DIS3: variants seen among roughly 807,000 people sequenced by gnomAD.
DIS3 encodes exosome complex exonuclease RRP44.
Under a neutral mutation model 113.0 loss-of-function variants are expected in DIS3, and 103 were observed. The ratio of observed to expected loss-of-function variants is 0.91; its 90% CI spans 0.78 to 1.07. The LOEUF is 1.07. Ranked by LOEUF, DIS3 falls within the 50% of genes least tolerant of loss-of-function variation. The pLI is 0.00. For synonymous variants in DIS3, 402 were observed against 394.3 expected (o/e 1.02, Z -0.23); for missense variants, 1,121 against 1,167.1 (o/e 0.96, Z 0.58).
chr13:72,772,875 T>C (rs764294809), intron 8 of DIS3, 36 bp from the exon 9 acceptor site: 1 of 1,549,788 alleles, frequency 6.5e-7, no homozygotes, highest in Non-Finnish European at 8.7e-7. Flanking sequence ...ACGCCTATTT[T>C]ATAGCAAATT....
chr13:72,760,377 G>T, intron 20 of DIS3, 152 bp downstream of exon 20: 1 of 931,738 alleles, frequency 1.1e-6, no homozygotes, highest in Non-Finnish European at 1.6e-6. Flanking sequence ...AAAGAAATCA[G>T]TGAGAAAACA....
In DIS3 at chr13:72,761,349, G is replaced by C. The variant is rs778050656; in HGVS notation, c.2670+14C>G. 2 of 1,584,686 alleles carry C rather than the reference G, an allele frequency of 1.3e-6. No individual in the cohort carries two copies. Among genetic ancestry groups the C allele is most frequent in the Non-Finnish European group, 1.7e-6 (2 of 1,172,898 alleles). On this transcript the variant is annotated intron_variant, in intron 19 of 20. Coordinates refer to ENST00000377767, the MANE Select transcript of DIS3 (RefSeq NM_014953.5). Reference sequence around the variant, plus strand: ...GCCCCCCGGAAAAGAAAACAAACATGAGAAATACCGTACCTCATCATCATA... The same window carrying C: ...GCCCCCCGGAAAAGAAAACAAACATCAGAAATACCGTACCTCATCATCATA...
At chr13:72,779,029 G>A (rs941185869) in intron 2 of DIS3, among the ~76,000 whole-genome samples, 2 of 151,854 alleles carry the variant, frequency 1.3e-5, no homozygotes, top group Admixed American at 1.3e-4. Context: ...ATAGCTTCCA[G>A]TACTTAATGG....
intron 20 of DIS3, 130 bp from the exon 21 acceptor site, chr13:72,760,008 A>G: frequency 1.4e-6 from 1 of 717,022 alleles, no homozygotes; most frequent in South Asian, 1.8e-5. Context: ...AAAGGGGGCT[A>G]ATTAAAGGTT....
chr13:72,772,678 T>C lies in DIS3; in HGVS notation c.1386+15A>G, dbSNP rs748932288. On this transcript the variant is annotated intron_variant, in intron 9 of 20. Coordinates refer to ENST00000377767, the MANE Select transcript of DIS3 (RefSeq NM_014953.5). ...TAATAATTTATAAAGTCACTACAAATTACTTTCAACTTACCTTTTCAGTAA... is the reference window on the plus strand; with the variant it reads ...TAATAATTTATAAAGTCACTACAAACTACTTTCAACTTACCTTTTCAGTAA... 1.9e-6 allele frequency: 3 copies of C among 1,590,616 alleles called. No individual in the cohort carries two copies. The highest frequency in any genetic ancestry group is 2.3e-5 in the South Asian group (2 of 86,494).
At chr13:72,774,454 T>G (rs111414090) in intron 6 of DIS3, among the ~76,000 whole-genome samples, 4 of 152,206 alleles carry the variant, frequency 2.6e-5, no homozygotes, top group Admixed American at 2.0e-4. Context: ...CTAGTTCCCT[T>G]TGGACCTTTA....
rs752586725 is a variant in DIS3 at position 72,781,606 on chromosome 13, T to C, written c.227A>G (p.Gln76Arg). Residue 76 changes from glutamine to arginine, a missense_variant and splice_region_variant, in exon 1 of 21, where the codon CAG becomes CGG. Coordinates refer to ENST00000377767, the MANE Select transcript of DIS3 (RefSeq NM_014953.5). The part of the protein sequence containing the change: ...LLPDTNVLLH[Q>R]IDVLEDPAIR... ...TCCGCGGTTCGCCCGCCCACGCACC[T>C]GGTGCAGTAACACATTAGTGTCGGG... is the stretch of plus-strand genomic sequence containing the variant. 1.3e-6 allele frequency: 2 copies of C among 1,511,152 alleles called. No homozygotes were observed. Among genetic ancestry groups the C allele is most frequent in the African/African-American group, 1.4e-5 (1 of 72,078 alleles). The allele number at this position is 1,511,152 out of a possible 1,614,324, so 93.6% of individuals were successfully genotyped here.
chr13:72,753,867 A>G lies in DIS3; in HGVS notation c.*5928T>C. 1 of 1,517,766 alleles carries G rather than the reference A, an allele frequency of 6.6e-7. No homozygotes were observed. The highest frequency in any genetic ancestry group is 2.4e-5 in the East Asian group (1 of 41,216). The allele number at this position is 1,517,766 out of a possible 1,614,324, so 94.0% of individuals were successfully genotyped here. Reference sequence around the variant, plus strand: ...AAGCTTAATATTGTTTAGATTAGAAATATAAAATAATTTTGATTATTAGAC... The same window carrying G: ...AAGCTTAATATTGTTTAGATTAGAAGTATAAAATAATTTTGATTATTAGAC... On this transcript the variant is annotated 3_prime_UTR_variant, in exon 21 of 21. Coordinates refer to ENST00000377767, the MANE Select transcript of DIS3 (RefSeq NM_014953.5).
In DIS3 at chr13:72,781,068, T is replaced by C. The variant is rs572621378; in HGVS notation, c.229-65A>G. ...GTAAATAGCTCTGTCAAACATAAAATCCTGTTTTATGTTGGGCATAAATAC... is the reference window on the plus strand; with the variant it reads ...GTAAATAGCTCTGTCAAACATAAAACCCTGTTTTATGTTGGGCATAAATAC... On this transcript the variant is annotated intron_variant, in intron 1 of 20. Coordinates refer to ENST00000377767, the MANE Select transcript of DIS3 (RefSeq NM_014953.5). 5 of 1,488,476 alleles carry C rather than the reference T, an allele frequency of 3.4e-6. No homozygotes were observed. The African/African-American group carries it at 7.1e-5, about 21-fold the overall frequency. The allele number at this position is 1,488,476 out of a possible 1,614,324, so 92.2% of individuals were successfully genotyped here.
chr13:72,759,472 C>T lies in DIS3; in HGVS notation c.*323G>A, dbSNP rs567586219. 4.8e-4 allele frequency: 117 copies of T among 242,978 alleles called. No homozygotes were observed. The highest frequency in any genetic ancestry group is 1.2e-3 in the Middle Eastern group (1 of 810). The allele number at this position is 242,978 out of a possible 1,614,324, so 15.1% of individuals were successfully genotyped here. ...AAATATTAAATAATCAAAGTACTTA[C>T]GCAAAATTAATCTGCTCCTCAATGA... is the stretch of plus-strand genomic sequence containing the variant. On this transcript the variant is annotated 3_prime_UTR_variant, in exon 21 of 21. Coordinates refer to ENST00000377767, the MANE Select transcript of DIS3 (RefSeq NM_014953.5).
At chr13:72,777,641 G>A (rs1003423511) in intron 3 of DIS3, 148 bp from the exon 4 acceptor site, 4 of 710,062 alleles carry the variant, frequency 5.6e-6, no homozygotes, top group East Asian at 2.7e-5. Context: ...AGGCTGGAGT[G>A]CAGCGGCGCA....
rs1318209499 is a variant in DIS3 at position 72,759,666 on chromosome 13, A to G, written c.*129T>C. On this transcript the variant is annotated 3_prime_UTR_variant, in exon 21 of 21. Transcript: ENST00000377767. ...ACAGTCAACTGTTCAATAAAAATGC[A>G]GATGTCTGAAATTATTAAAATGTAC... is the stretch of plus-strand genomic sequence containing the variant. The G allele has an allele frequency of 3.0e-6, 2 of 669,510 alleles. No individual in the cohort carries two copies. The highest frequency in any genetic ancestry group is 5.0e-6 in the Non-Finnish European group (2 of 398,716). The allele number at this position is 669,510 out of a possible 1,614,324, so 41.5% of individuals were successfully genotyped here. A position where few individuals can be genotyped will look rare whatever the true frequency, so the allele number is the denominator to read the frequency against.
intron 7 of DIS3, 34 bp downstream of exon 7, chr13:72,773,912 T>C (rs180894199): frequency 1.3e-6 from 2 of 1,584,070 alleles, no homozygotes; most frequent in Non-Finnish European, 1.7e-6. Flanking sequence ...ATGTTTATCA[T>C]TTTTTTATTA....
intron 14 of DIS3, among the ~76,000 whole-genome samples, chr13:72,766,690 T>C (rs2033758190): frequency 6.6e-6 from 1 of 152,178 alleles, no homozygotes; most frequent in Non-Finnish European, 1.5e-5. Flanking sequence ...AAGTTCCCCT[T>C]TGGAAAGTAA....
chr13:72,774,642 AAAG>A (rs773979561), intron 6 of DIS3, among the ~76,000 whole-genome samples: 59 of 152,292 alleles, frequency 3.9e-4, no homozygotes, highest in Non-Finnish European at 7.5e-4. Flanking sequence ...AATGATGGAA[AAAG>A]AAGAATAAAA....
rs543083744 is a variant in DIS3 at position 72,773,770 on chromosome 13, T to C, written c.1153A>G (p.Ile385Val). The C allele has an allele frequency of 1.4e-5, 23 of 1,614,060 alleles. No homozygotes were observed. Among genetic ancestry groups the C allele is most frequent in the East Asian group, 4.5e-5 (2 of 44,858 alleles). ...PADKRIPRIR[I>V]ETRQASTLEG... Reference sequence around the variant, plus strand: ...AATGTGGAAGCCTGTCTGGTTTCTATGCGAATTCGAGGGATTCTCTTATCA... The same window carrying C: ...AATGTGGAAGCCTGTCTGGTTTCTACGCGAATTCGAGGGATTCTCTTATCA... The change falls in exon 8 of 21, where the codon ATA becomes GTA. Residue 385 changes from isoleucine to valine, a missense_variant. Ile to Val is a conservative substitution (Grantham distance 29). This residue lies in a region of DIS3 where 861 missense variants were observed against 915.5 expected (regional missense o/e 0.94). Transcript: ENST00000377767.
chr13:72,781,374 C>A, intron 1 of DIS3: 1 of 1,548,844 alleles, frequency 6.5e-7, no homozygotes, highest in Non-Finnish European at 8.7e-7. Context: ...AGAAGAGACA[C>A]CAGGAGTTAG....
chr13:72,756,727 TTCCACTGCTGGCAG>T lies in DIS3; in HGVS notation c.*3054_*3067del, dbSNP rs1403077919. ...TGAAGGTTTTATAAGCGTCTGGCAT[TTCCACTGCTGGCAG>T]TCATTTTCATCCTGCCGCCCTGTGA... On this transcript the variant is annotated 3_prime_UTR_variant, in exon 21 of 21. Coordinates refer to ENST00000377767, the MANE Select transcript of DIS3 (RefSeq NM_014953.5). 80 of 152,338 alleles carry T rather than the reference TTCCACTGCTGGCAG, an allele frequency of 5.3e-4. No homozygotes were observed. The highest frequency in any genetic ancestry group is 1.9e-3 in the African/African-American group (78 of 41,544). 9.4% of individuals were successfully genotyped at this position (152,338 alleles called of 1,614,324 possible).
In DIS3 at chr13:72,781,000, C is replaced by T. The variant is rs930120865; in HGVS notation, c.232G>A (p.Asp78Asn). 1 of 1,597,756 alleles carries T rather than the reference C, an allele frequency of 6.3e-7. No individual in the cohort carries two copies. Among genetic ancestry groups the T allele is most frequent in the Non-Finnish European group, 8.5e-7 (1 of 1,175,400 alleles). The change falls in exon 2 of 21, where the codon GAT (aspartate) becomes AAT (asparagine). Residue 78 changes from aspartate to asparagine, a missense_variant. Physicochemically the swap from Asp to Asn is conservative, Grantham distance 23 (BLOSUM62 1). This residue lies in a region of DIS3 where 254 missense variants were observed against 232.2 expected (regional missense o/e 1.09). Transcript: ENST00000377767. ...PDTNVLLHQI[D>N]VLEDPAIRNV... ...CTGATGGCAGGGTCCTCAAGAACAT[C>T]AATCTTAAAGAAAGATAAAGTTAAT...
Sources: gnomAD v4.1 joint callset for allele counts (sites outside exome capture counted in the v4.1 genomes callset) on GRCh38, gnomAD v4.1.1 for gene constraint, gnomAD v4.1.1 regional missense constraint, MANE v1.5 for transcripts, NCBI Gene and HGNC (gene_info 2026-07-23, HGNC 2026-07-21) for gene names.